The following ITPR1 variants were observed in gnomAD, a reference collection of about 807,000 sequenced individuals.
The protein encoded by ITPR1 is inositol 1,4,5-trisphosphate-gated calcium channel ITPR1.
ITPR1 carries 96 observed loss-of-function variants against 318.4 expected under a neutral mutation model. The observed-to-expected ratio is 0.30, with a 90% CI of 0.26 to 0.36. ITPR1 has a LOEUF of 0.36. Ranked by LOEUF, ITPR1 falls within the 10% of genes least tolerant of loss-of-function variation. ITPR1 has a pLI of 1.00. For synonymous variants in ITPR1, 1,312 were observed against 1,289.9 expected (o/e 1.02, Z -0.37); for missense variants, 2,440 against 3,460.2 (o/e 0.71, Z 7.40).
At chr3:4,795,977 C>A (rs1483641191) in intron 53 of ITPR1, among the ~76,000 whole-genome samples, 1 of 152,124 alleles carries the variant, frequency 6.6e-6, no homozygotes, top group African/African-American at 2.4e-5. Flanking sequence ...AGCTTTTTGG[C>A]AGATCACCTC....
chr3:4,666,928 A>C (rs1258686801), intron 17 of ITPR1, among the ~76,000 whole-genome samples: 2 of 152,202 alleles, frequency 1.3e-5, no homozygotes, highest in African/African-American at 2.4e-5. Context: ...TATTTTTACC[A>C]CAAATAAAGG....
At chr3:4,494,380 G>A (rs1009766328) in intron 1 of ITPR1, 51 bp from the exon 2 acceptor site, 1 of 152,294 alleles carries the variant, frequency 6.6e-6, no homozygotes, top group African/African-American at 2.4e-5. Context: ...TTCTGTTAGA[G>A]CTCATCTTCC....
rs146411045 is a variant in ITPR1 at position 4,728,160 on chromosome 3, C to A, written c.5220+987C>A. On this transcript the variant is annotated intron_variant, in intron 42 of 61. Coordinates refer to ENST00000649015, the MANE Select transcript of ITPR1 (RefSeq NM_001378452.1). ...TGAATAAATTCCTAGAAGAGGAATT[C>A]CTTGGCCAAGGGGTAGATCTGTTTT... Among the ~76,000 whole-genome samples, 1,048 of 152,282 alleles carry A rather than the reference C, an allele frequency of 6.9e-3. 7 individuals carry two copies. Among genetic ancestry groups the A allele is most frequent in the African/African-American group, 0.023 (975 of 41,562 alleles).
chr3:4,634,667 C>A (rs1451416153), intron 5 of ITPR1, among the ~76,000 whole-genome samples: 1 of 152,044 alleles, frequency 6.6e-6, no homozygotes, highest in African/African-American at 2.4e-5. Flanking sequence ...TCAAAGATAA[C>A]CTTGGGTTTT....
At chr3:4,663,796 C>T (rs934318374) in intron 16 of ITPR1, among the ~76,000 whole-genome samples, 7 of 152,208 alleles carry the variant, frequency 4.6e-5, no homozygotes, top group African/African-American at 1.4e-4. Flanking sequence ...ATCATCTGTG[C>T]TCCTCCTATT....
chr3:4,529,138 C>T (rs1053113086), intron 4 of ITPR1, among the ~76,000 whole-genome samples: 1 of 152,180 alleles, frequency 6.6e-6, no homozygotes, highest in Non-Finnish European at 1.5e-5. Flanking sequence ...TTTGTGTTTA[C>T]TTTGATGCCC....
intron 46 of ITPR1, among the ~76,000 whole-genome samples, chr3:4,773,697 C>T (rs1176903054): frequency 1.3e-5 from 2 of 152,194 alleles, no homozygotes; most frequent in African/African-American, 2.4e-5. Flanking sequence ...AGGGCTGAGC[C>T]AACCCCTCAA....
chr3:4,831,117 T>TCA (rs2050457782), intron 60 of ITPR1: 2 of 292,490 alleles, frequency 6.8e-6, no homozygotes, highest in South Asian at 3.9e-5. Flanking sequence ...TCTCTCTCTC[T>TCA]CTCTCTCTCT....
intron 38 of ITPR1, chr3:4,711,520 G>A: frequency 2.1e-6 from 1 of 470,266 alleles, no homozygotes; most frequent in South Asian, 3.0e-5. Flanking sequence ...TCCATTGTAT[G>A]TGGCTGACTC....
At position 4,814,296 on chromosome 3, in the gene ITPR1, C is replaced by A. The variant is rs2049138702; in HGVS notation, c.7562-127C>A. The A allele has an allele frequency of 2.8e-6, 3 of 1,063,628 alleles. No homozygotes were observed. In the South Asian group the frequency reaches 3.9e-5, roughly 14 times the overall value. The allele number at this position is 1,063,628 out of a possible 1,614,324, so 65.9% of individuals were successfully genotyped here. A position where few individuals can be genotyped will look rare whatever the true frequency, so the allele number is the denominator to read the frequency against. On this transcript the variant is annotated intron_variant, in intron 57 of 61. Transcript: ENST00000649015. ...TGAAAGAAAATAAGAAAATTCTTGG[C>A]TCTTGATTCCTTAATTTTATTCTTT... is the stretch of plus-strand genomic sequence containing the variant.
At chr3:4,823,120 A>T (rs1462696708) in intron 60 of ITPR1, among the ~76,000 whole-genome samples, 1 of 152,232 alleles carries the variant, frequency 6.6e-6, no homozygotes, top group Non-Finnish European at 1.5e-5. Flanking sequence ...TGATGATTTG[A>T]AAGGCCATGC....
intron 36 of ITPR1, 84 bp downstream of exon 36, chr3:4,703,034 T>A: frequency 6.9e-7 from 1 of 1,454,296 alleles, no homozygotes. Flanking sequence ...GAGCACTCAT[T>A]ACAACTCTTC....
intron 36 of ITPR1, among the ~76,000 whole-genome samples, chr3:4,705,454 G>A (rs2094737130): frequency 6.6e-6 from 1 of 152,128 alleles, no homozygotes; most frequent in African/African-American, 2.4e-5. Context: ...CCCTTGTCAT[G>A]CCCTTTTTCT....
At chr3:4,740,205 G>A (rs959581974) in intron 44 of ITPR1, among the ~76,000 whole-genome samples, 1 of 152,148 alleles carries the variant, frequency 6.6e-6, no homozygotes, top group Non-Finnish European at 1.5e-5. Flanking sequence ...CATTATAATC[G>A]ATTGAGCACC....
rs141446031 is a variant in ITPR1, at chr3:4,654,044, G to C, written c.996+158G>C. The stretch of plus-strand genomic sequence containing the variant: ...CGATCATGTTCTGTGCTTCCCTTGA[G>C]AGGGACCATAGTCCTTTGTGTCTCG... On this transcript the variant is annotated intron_variant, in intron 12 of 61. Transcript: ENST00000649015. 5.3e-5 allele frequency among the ~76,000 whole-genome samples: 8 copies of C among 152,312 alleles called. No homozygotes were observed. In the East Asian group the frequency reaches 1.2e-3, roughly 22 times the overall value.
At chr3:4,617,255 G>A (rs965789084) in intron 4 of ITPR1, among the ~76,000 whole-genome samples, 1 of 152,078 alleles carries the variant, frequency 6.6e-6, no homozygotes, top group Admixed American at 6.5e-5. Flanking sequence ...CCACAGACTG[G>A]ATAATTTATA....
chr3:4,641,787 T>C (rs2093344935), intron 6 of ITPR1, among the ~76,000 whole-genome samples: 1 of 152,234 alleles, frequency 6.6e-6, no homozygotes, highest in African/African-American at 2.4e-5. Context: ...TAGGGCTAGG[T>C]CCACCCCACT....
intron 4 of ITPR1, among the ~76,000 whole-genome samples, chr3:4,579,889 A>G (rs1477369548): frequency 6.6e-6 from 1 of 151,942 alleles, no homozygotes; most frequent in Non-Finnish European, 1.5e-5. Flanking sequence ...ATCTAACTGT[A>G]TTTTGAATGT....
Position 4,537,927 on chromosome 3 carries a change from G to A in ITPR1, c.163+16833G>A, listed in dbSNP as rs1030594661. On this transcript the variant is annotated intron_variant, in intron 4 of 61. Coordinates refer to ENST00000649015, the MANE Select transcript of ITPR1 (RefSeq NM_001378452.1). The stretch of plus-strand genomic sequence containing the variant: ...GTGCGTTCTTTTTTTTCTTGAATAA[G>A]CACTGACCCATGTTTTTTCTGTCTT... Among the ~76,000 whole-genome samples the A allele has an allele frequency of 2.0e-5, 3 of 152,010 alleles. No homozygotes were observed. The South Asian group carries it at 6.2e-4, about 31-fold the overall frequency.
Sources: allele counts gnomAD v4.1 joint callset (sites outside exome capture counted in the v4.1 genomes callset), GRCh38; gene constraint gnomAD v4.1.1; transcripts MANE v1.5; gene names NCBI Gene and HGNC (gene_info 2026-07-23, HGNC 2026-07-21).